Variants in OPN4 observed in about 807,000 individuals in gnomAD.
OPN4 encodes opsin 4.
OPN4 carries 43 observed loss-of-function variants against 49.5 expected under a neutral mutation model. The observed-to-expected ratio is 0.87, with a 90% CI of 0.68 to 1.12. OPN4 has a LOEUF of 1.12. OPN4 is among the 50% of genes most tolerant of loss of function. The probability of loss-of-function intolerance (pLI) is 0.00; values close to 1 mark genes in which losing one functional copy is unlikely to be tolerated. For missense variants in OPN4, 657 were observed against 643.9 expected (o/e 1.02, Z -0.22); for synonymous variants, 263 against 258.0 (o/e 1.02, Z -0.19).
At chr10:86,657,894 CT>C in intron 2 of OPN4, 137 bp from the exon 3 acceptor site, 1 of 903,320 alleles carries the variant, frequency 1.1e-6, no homozygotes, top group Non-Finnish European at 1.7e-6. Context: ...CAGCTCGTGC[CT>C]GTTTGCTTGC....
At position 86,658,551 on chromosome 10, in the gene OPN4, C is replaced by T. The variant is rs749361603; in HGVS notation, c.492C>T (p.Ile164=). ...GISSMITLTA[I]ALDRYLVITR... ...CCTCCATGATCACCCTGACGGCCAT[C>T]GCCCTGGACCGCTACCTGGTAATCA... The change falls in exon 4 of 10, where the codon ATC becomes ATT. Residue 164 remains isoleucine (I), a synonymous_variant. Coordinates refer to ENST00000241891, the MANE Select transcript of OPN4 (RefSeq NM_033282.4). 9.3e-6 allele frequency: 15 copies of T among 1,614,108 alleles called. No individual in the cohort carries two copies. Among genetic ancestry groups the T allele is most frequent in the African/African-American group, 8.0e-5 (6 of 74,952 alleles).
At chr10:86,657,789 G>A (rs1348847127) in intron 2 of OPN4, among the ~76,000 whole-genome samples, 2 of 152,186 alleles carry the variant, frequency 1.3e-5, no homozygotes, top group African/African-American at 4.8e-5. Flanking sequence ...TCTCTCTGAG[G>A]GAGCCGTCTT....
chr10:86,655,444 C>T (rs1052874017), intron 1 of OPN4, among the ~76,000 whole-genome samples: 2 of 152,152 alleles, frequency 1.3e-5, no homozygotes, highest in East Asian at 1.9e-4. Context: ...GGGAAGGCTC[C>T]GGTAGCTATA....
At chr10:86,658,952 T>C (rs915721115) in intron 4 of OPN4, among the ~76,000 whole-genome samples, 4 of 152,214 alleles carry the variant, frequency 2.6e-5, no homozygotes, top group South Asian at 2.1e-4. Flanking sequence ...GTACTTCTGA[T>C]GCTGTGTCAG....
intron 4 of OPN4, among the ~76,000 whole-genome samples, chr10:86,659,072 AACCTTGAAGTTATGGTG>A (rs1468709458): frequency 2.0e-5 from 3 of 152,192 alleles, no homozygotes; most frequent in Admixed American, 6.5e-5. Flanking sequence ...TGGCAAGCAA[AACCTTGAAGTTATGGTG>A]AGCTTTCTGC....
rs764385584 is a variant in OPN4, at chr10:86,661,273, T to A, written c.966-8T>A. ...GCTAGCTTGGGGACCACACCTTCTC[T>A]GTCCTAGGTACGCACACGTCCTGAC... On this transcript the variant is annotated splice_region_variant and splice_polypyrimidine_tract_variant and intron_variant, in intron 6 of 9. Coordinates refer to ENST00000241891, the MANE Select transcript of OPN4 (RefSeq NM_033282.4). 8 of 1,612,250 alleles carry A rather than the reference T, an allele frequency of 5.0e-6. No homozygotes were observed. In the South Asian group the frequency reaches 8.8e-5, roughly 18 times the overall value.
chr10:86,657,768 T>C (rs537606790), intron 2 of OPN4, among the ~76,000 whole-genome samples: 110 of 152,198 alleles, frequency 7.2e-4, no homozygotes, highest in African/African-American at 2.5e-3. Flanking sequence ...GGAGAGAAAC[T>C]GCCCCCTGCT....
intron 9 of OPN4, among the ~76,000 whole-genome samples, chr10:86,665,456 GA>G (rs1360646146): frequency 6.6e-6 from 1 of 152,022 alleles, no homozygotes; most frequent in Non-Finnish European, 1.5e-5. Flanking sequence ...TGGGGGTGAG[GA>G]TGGGTTCAGT....
intron 9 of OPN4, chr10:86,664,070 T>A: frequency 2.4e-6 from 1 of 422,292 alleles, no homozygotes; most frequent in Non-Finnish European, 4.3e-6. Flanking sequence ...TGCTGTTGGC[T>A]GTGCTGTGGC....
chr10:86,661,161 C>T, intron 6 of OPN4, 120 bp from the exon 7 acceptor site: 1 of 770,872 alleles, frequency 1.3e-6, no homozygotes, highest in Non-Finnish European at 2.2e-6. Context: ...CCCTATGGGG[C>T]TGACTTAGCT....
intron 2 of OPN4, among the ~76,000 whole-genome samples, chr10:86,656,956 A>AT (rs1190419851): frequency 6.6e-6 from 1 of 150,760 alleles, no homozygotes; most frequent in African/African-American, 2.4e-5. Flanking sequence ...AAAAAAAAAA[A>AT]AAAAAAAAAA....
At chr10:86,662,575 G>A (rs1411701412) in intron 8 of OPN4, 143 bp downstream of exon 8, 32 of 774,550 alleles carry the variant, frequency 4.1e-5, no homozygotes, top group Non-Finnish European at 6.5e-5. Flanking sequence ...GGCAGGAAGA[G>A]CCCCTCCCAA....
intron 4 of OPN4, 117 bp from the exon 5 acceptor site, chr10:86,659,180 G>A: frequency 3.9e-6 from 3 of 761,632 alleles, no homozygotes; most frequent in Non-Finnish European, 6.4e-6. Context: ...ATGGGACAGG[G>A]CCAGGTCAGG....
intron 1 of OPN4, among the ~76,000 whole-genome samples, chr10:86,655,889 C>G (rs1843850043): frequency 6.6e-6 from 1 of 152,192 alleles, no homozygotes; most frequent in Non-Finnish European, 1.5e-5. Flanking sequence ...ACATGTCTGT[C>G]TGTCCTACCA....
intron 5 of OPN4, 60 bp downstream of exon 5, chr10:86,659,528 C>T: frequency 1.3e-6 from 2 of 1,563,742 alleles, no homozygotes; most frequent in African/African-American, 1.3e-5. Flanking sequence ...GCCAGGCGGC[C>T]CCTGCCCCAC....
At chr10:86,656,842 G>A (rs750546612) in intron 2 of OPN4, among the ~76,000 whole-genome samples, 4 of 151,606 alleles carry the variant, frequency 2.6e-5, no homozygotes, top group Non-Finnish European at 5.9e-5. Context: ...CTGCTTGGGA[G>A]GCTGAGGCAG....
At chr10:86,661,784 G>T (rs1190250342) in intron 7 of OPN4, among the ~76,000 whole-genome samples, 1 of 151,968 alleles carries the variant, frequency 6.6e-6, no homozygotes, top group African/African-American at 2.4e-5. Flanking sequence ...GCCTGGGGTG[G>T]CTCTGGGCCA....
chr10:86,654,759 C>T lies in OPN4; in HGVS notation c.-25C>T, dbSNP rs35327165. 1.2e-3 allele frequency: 1,877 copies of T among 1,594,664 alleles called. 24 individuals carry two copies. In the African/African-American group the frequency reaches 0.022, roughly 19 times the overall value. On this transcript the variant is annotated 5_prime_UTR_variant, in exon 1 of 10. Coordinates refer to ENST00000241891, the MANE Select transcript of OPN4 (RefSeq NM_033282.4). ...TGTGCCCTTGACTTCTCTGTGGGCT[C>T]GAGCAAGGACCATCCCAACTCAGGA...
chr10:86,660,241 T>A (rs368427134), intron 6 of OPN4, among the ~76,000 whole-genome samples, 182 bp downstream of exon 6: 11 of 152,202 alleles, frequency 7.2e-5, no homozygotes, highest in African/African-American at 2.7e-4. Flanking sequence ...GGGGGCCACC[T>A]AGTTCCTGGA....
Sources: gnomAD v4.1 joint callset for allele counts (sites outside exome capture counted in the v4.1 genomes callset) on GRCh38, gnomAD v4.1.1 for gene constraint, MANE v1.5 for transcripts, NCBI Gene and HGNC (gene_info 2026-07-23, HGNC 2026-07-21) for gene names.